The following ARMCX4 variants were observed in gnomAD, a reference collection of about 807,000 sequenced individuals.
The protein encoded by ARMCX4 is armadillo repeat-containing X-linked protein 4.
A neutral mutation model predicts 34.7 loss-of-function variants in ARMCX4; 3 were observed. The observed-to-expected ratio is 0.09, with a 90% confidence interval of 0.04 to 0.22. The LOEUF (loss-of-function observed/expected upper bound fraction) is 0.22, where lower values mean the gene tolerates loss of function less well. ARMCX4 is among the 10% of genes least tolerant of loss of function. The pLI, the probability that ARMCX4 is intolerant of heterozygous loss-of-function variation, is 1.00. For synonymous variants in ARMCX4, 513 were observed against 632.8 expected (o/e 0.81, Z 2.84); for missense variants, 1,448 against 1,720.8 (o/e 0.84, Z 2.81).
At position 101,464,200 on chromosome X, in the gene ARMCX4, C is replaced by T. The variant is rs782639888; in HGVS notation, c.-473+18156C>T. Among the ~76,000 whole-genome samples the T allele has an allele frequency of 1.4e-4, 15 of 109,188 alleles. 3 individuals carry two copies. In the East Asian group the frequency reaches 1.5e-3, roughly 11 times the overall value. 94.8% of individuals were successfully genotyped at this position (109,188 alleles called of 115,157 possible). ...CCAGCTTTGCCAACATGGTGAAGCCCCGTCTCGATGAAAAATACAAAAAAA... is the reference window on the plus strand; with the variant it reads ...CCAGCTTTGCCAACATGGTGAAGCCTCGTCTCGATGAAAAATACAAAAAAA... On this transcript the variant is annotated intron_variant and NMD_transcript_variant, in intron 4 of 15. Coordinates refer to the ARMCX4 transcript ENST00000433011.
At chrX:101,445,767 T>G (rs1190574346) in intron 3 of ARMCX4, among the ~76,000 whole-genome samples, 1 of 110,844 alleles carries the variant, frequency 9.0e-6, no homozygotes, top group African/African-American at 3.3e-5. Flanking sequence ...ATCTATTTTG[T>G]GGAGGGAGGA....
At chrX:101,525,873 T>C (rs1934960647) in intron 11 of ARMCX4, among the ~76,000 whole-genome samples, 1 of 111,710 alleles carries the variant, frequency 9.0e-6, no homozygotes, top group Non-Finnish European at 1.9e-5. Flanking sequence ...CTGTGTTTGA[T>C]TGATGAGAGA....
At chrX:101,442,291 C>T (rs1555997064) in intron 2 of ARMCX4, among the ~76,000 whole-genome samples, 1 of 111,848 alleles carries the variant, frequency 8.9e-6, no homozygotes, top group Non-Finnish European at 1.9e-5. Flanking sequence ...GCTTGCTGTG[C>T]CTGATACCAG....
intron 2 of ARMCX4, among the ~76,000 whole-genome samples, chrX:101,428,228 C>T (rs1343824844): frequency 3.6e-5 from 4 of 111,562 alleles, no homozygotes; most frequent in Non-Finnish European, 7.5e-5. Context: ...ATATATACAC[C>T]AACATGGACA....
chrX:101,499,410 C>A (rs1556012943), downstream of ARMCX4: 1 of 111,551 alleles, frequency 9.0e-6, no homozygotes, highest in East Asian at 2.8e-4. Context: ...CCAGAAAACC[C>A]TCCAGAAGAT....
intron 2 of ARMCX4, among the ~76,000 whole-genome samples, chrX:101,429,365 C>T (rs1001769388): frequency 1.1e-4 from 9 of 81,238 alleles, no homozygotes; most frequent in Non-Finnish European, 1.6e-4. Flanking sequence ...GGTGGAGTTT[C>T]GCTCTTGTCG....
At chrX:101,519,950 G>A (rs1934818562) in intron 11 of ARMCX4, among the ~76,000 whole-genome samples, 1 of 110,195 alleles carries the variant, frequency 9.1e-6, no homozygotes, top group Admixed American at 9.6e-5. Context: ...TATACCTGTT[G>A]GCCATTTGTA....
rs10555485 is a variant in ARMCX4, at chrX:101,504,433, TTGTGTG to T, written c.*1178-489_*1178-484del. 3.8e-5 allele frequency among the ~76,000 whole-genome samples: 4 copies of T among 105,087 alleles called. No individual in the cohort carries two copies. In the Admixed American group the frequency reaches 4.1e-4, roughly 11 times the overall value. The allele number at this position is 105,087 out of a possible 115,157, so 91.3% of individuals were successfully genotyped here. ...CCTACCCAAGTGTTCTTTAATAAGT[TTGTGTG>T]TGTGTGTGTGTGTGAGAGAGAGAAG... On this transcript the variant is annotated intron_variant and NMD_transcript_variant, in intron 7 of 12. Coordinates refer to the ARMCX4 transcript ENST00000354842.
chrX:101,515,427 C>T (rs1934711257), intron 11 of ARMCX4, among the ~76,000 whole-genome samples: 1 of 18,943 alleles, frequency 5.3e-5, no homozygotes, highest in Non-Finnish European at 9.7e-5. Flanking sequence ...TCCTTCCTTC[C>T]TTCCTTCCTT....
intron 11 of ARMCX4, among the ~76,000 whole-genome samples, chrX:101,514,890 A>T (rs1468927473): frequency 2.7e-5 from 3 of 111,552 alleles, no homozygotes; most frequent in African/African-American, 9.8e-5. Context: ...TAGGGGTTTA[A>T]ATTCCTTAAC....
At chrX:101,430,945 T>C (rs1326940661) in intron 2 of ARMCX4, among the ~76,000 whole-genome samples, 1 of 111,181 alleles carries the variant, frequency 9.0e-6, no homozygotes, top group Non-Finnish European at 1.9e-5. Flanking sequence ...AGAGTGTGGA[T>C]TGTATCCAAT....
intron 2 of ARMCX4, among the ~76,000 whole-genome samples, chrX:101,424,618 GA>G (rs1226700022): frequency 2.7e-5 from 3 of 111,490 alleles, no homozygotes; most frequent in Non-Finnish European, 1.9e-5. Flanking sequence ...TGATGTATGG[GA>G]AAATTCTCCC....
chrX:101,481,879 T>C (rs1933465515), upstream of ARMCX4, among the ~76,000 whole-genome samples: 1 of 111,324 alleles, frequency 9.0e-6, no homozygotes, highest in East Asian at 2.8e-4. Context: ...TGTACTGGTA[T>C]GTAGAGCTCT....
intron 4 of ARMCX4, among the ~76,000 whole-genome samples, chrX:101,460,095 CA>C (rs1229607646): frequency 1.2e-4 from 14 of 112,695 alleles, no homozygotes; most frequent in Non-Finnish European, 2.3e-4. Context: ...GACAAACAAA[CA>C]AATAAACAAA....
intron 11 of ARMCX4, among the ~76,000 whole-genome samples, chrX:101,526,533 A>G (rs1253360358): frequency 8.9e-6 from 1 of 112,066 alleles, no homozygotes; most frequent in Non-Finnish European, 1.9e-5. Flanking sequence ...AAAGACACAG[A>G]CTGGCAAATT....
intron 4 of ARMCX4, among the ~76,000 whole-genome samples, chrX:101,469,334 C>T (rs1191056823): frequency 2.7e-5 from 3 of 111,983 alleles, no homozygotes; most frequent in African/African-American, 9.7e-5. Flanking sequence ...ATACTATAGC[C>T]ACACTATGGA....
chrX:101,496,180 C>G (rs1239614277), downstream of ARMCX4, among the ~76,000 whole-genome samples: 1 of 110,072 alleles, frequency 9.1e-6, no homozygotes, highest in East Asian at 2.9e-4. Flanking sequence ...GAGTCCTGTT[C>G]GTGGAGCACC....
chrX:101,482,757 C>T (rs1209623846), upstream of ARMCX4, among the ~76,000 whole-genome samples: 1 of 110,906 alleles, frequency 9.0e-6, no homozygotes, highest in African/African-American at 3.3e-5. Context: ...GTAAAGTAAA[C>T]AGCAAATATT....
intron 11 of ARMCX4, among the ~76,000 whole-genome samples, chrX:101,525,720 G>A (rs1241128642): frequency 7.2e-5 from 8 of 110,839 alleles, no homozygotes; most frequent in African/African-American, 9.8e-5. Context: ...AAAGGGTACC[G>A]ATTCAACCAA....
Sources: gnomAD v4.1 joint callset for allele counts (sites outside exome capture counted in the v4.1 genomes callset) on GRCh38, gnomAD v4.1.1 for gene constraint, MANE v1.5 for transcripts, NCBI Gene and HGNC (gene_info 2026-07-23, HGNC 2026-07-21) for gene names.